Variants in PTPRK observed in about 807,000 individuals in gnomAD.
PTPRK encodes the protein protein tyrosine phosphatase receptor type K, also known as receptor-type tyrosine-protein phosphatase kappa.
In PTPRK, 75 loss-of-function variants were observed where a neutral mutation model predicts 178.0. That is an observed-to-expected ratio of 0.42 (90% CI 0.35 to 0.51). The LOEUF (loss-of-function observed/expected upper bound fraction) is 0.51, where lower values mean the gene tolerates loss of function less well. PTPRK is among the 20% of genes least tolerant of loss of function. The pLI is 0.02. For synonymous variants in PTPRK, 637 were observed against 620.6 expected (o/e 1.03, Z -0.39); for missense variants, 1,441 against 1,797.8 (o/e 0.80, Z 3.59).
At chr6:128,037,407 G>A (rs1776403030) in intron 13 of PTPRK, among the ~76,000 whole-genome samples, 1 of 146,332 alleles carries the variant, frequency 6.8e-6, no homozygotes, top group Non-Finnish European at 1.5e-5. Flanking sequence ...AAAGTATGAT[G>A]CAAATATGGA....
At chr6:128,506,654 T>C in intron 1 of PTPRK, among the ~76,000 whole-genome samples, 1 of 125,930 alleles carries the variant, frequency 7.9e-6, no homozygotes, top group Admixed American at 7.9e-5. Flanking sequence ...AGTAAAACTC[T>C]GTCTCAAAAA....
intron 6 of PTPRK, among the ~76,000 whole-genome samples, chr6:128,210,045 TGGAGAA>T (rs1346554863): frequency 6.6e-6 from 1 of 152,092 alleles, no homozygotes; most frequent in Non-Finnish European, 1.5e-5. Context: ...AAGACTGCCT[TGGAGAA>T]GGTAAGCGTT....
At chr6:128,495,340 A>G (rs1322848471) in intron 1 of PTPRK, among the ~76,000 whole-genome samples, 1 of 152,234 alleles carries the variant, frequency 6.6e-6, no homozygotes, top group Non-Finnish European at 1.5e-5. Flanking sequence ...AAGAGACGCA[A>G]TTTCAGGGAA....
chr6:128,369,882 T>C (rs1836025751), intron 2 of PTPRK, among the ~76,000 whole-genome samples: 1 of 152,112 alleles, frequency 6.6e-6, no homozygotes, highest in Admixed American at 6.6e-5. Context: ...CAGAAGTTCC[T>C]TTCTTCTAAA....
chr6:128,295,968 T>C (rs551910157), intron 3 of PTPRK, among the ~76,000 whole-genome samples: 104 of 152,124 alleles, frequency 6.8e-4, no homozygotes, highest in Non-Finnish European at 1.1e-3. Context: ...CTAAAGAACA[T>C]AAAAAACGAT....
chr6:128,088,829 A>G (rs1786410779), intron 8 of PTPRK, among the ~76,000 whole-genome samples: 1 of 152,244 alleles, frequency 6.6e-6, no homozygotes, highest in African/African-American at 2.4e-5. Context: ...CAAGATACAT[A>G]AAGAACAGCT....
At chr6:128,157,229 G>A (rs1798068155) in intron 7 of PTPRK, among the ~76,000 whole-genome samples, 2 of 151,940 alleles carry the variant, frequency 1.3e-5, no homozygotes. Context: ...ATAGGCTATT[G>A]ATTTTTCATA....
intron 3 of PTPRK, among the ~76,000 whole-genome samples, chr6:128,300,010 TCAAA>T (rs1584004227): frequency 6.6e-6 from 1 of 151,918 alleles, no homozygotes. Context: ...TACAATGAAC[TCAAA>T]CAAATTTACA....
intron 5 of PTPRK, among the ~76,000 whole-genome samples, chr6:128,226,645 A>G (rs1347947812): frequency 6.6e-6 from 1 of 151,812 alleles, no homozygotes; most frequent in Non-Finnish European, 1.5e-5. Context: ...GGCTTGCCCT[A>G]CAGACTTCAG....
At chr6:128,000,336 G>T in intron 15 of PTPRK, 1 of 1,272,946 alleles carries the variant, frequency 7.9e-7, no homozygotes, top group Non-Finnish European at 1.0e-6. Context: ...TCTTCCTGGA[G>T]AAGGGAAAAA....
chr6:128,213,993 C>T (rs930306992), intron 6 of PTPRK, among the ~76,000 whole-genome samples: 1 of 152,090 alleles, frequency 6.6e-6, no homozygotes, highest in African/African-American at 2.4e-5. Flanking sequence ...TGGTTCATTG[C>T]TCATCCCCTA....
At chr6:128,268,019 C>T (rs887401114) in intron 3 of PTPRK, among the ~76,000 whole-genome samples, 2 of 151,890 alleles carry the variant, frequency 1.3e-5, no homozygotes, top group African/African-American at 4.8e-5. Context: ...ATAAAACTAC[C>T]AGCATCATAT....
At chr6:128,515,959 A>G (rs1857946697) in intron 1 of PTPRK, among the ~76,000 whole-genome samples, 1 of 152,234 alleles carries the variant, frequency 6.6e-6, no homozygotes, top group African/African-American at 2.4e-5. Flanking sequence ...GAATCTTATC[A>G]CATGAATTAA....
Position 127,982,896 on chromosome 6 carries a change from C to T in PTPRK, c.3472G>A (p.Ala1158Thr). The part of the protein sequence containing the change: ...TAIPVCEFKA[A>T]YFDMIRIDSQ... ...TCTATTCTAATCATATCAAAATATG[C>T]AGCTTTAAATTCACAGACAGGTATG... is the stretch of plus-strand genomic sequence containing the variant. Residue 1158 changes from alanine to threonine, a missense_variant, in exon 24 of 30, where the codon GCA becomes ACA. By Grantham distance (58) the Ala-to-Thr change is moderately conservative (BLOSUM62 0). This residue lies in a region of PTPRK where 335 missense variants were observed against 512.4 expected (regional missense o/e 0.65). Coordinates refer to ENST00000368226, the MANE Select transcript of PTPRK (RefSeq NM_002844.4). 6.2e-7 allele frequency: 1 copy of T among 1,612,224 alleles called. No individual in the cohort carries two copies. The highest frequency in any genetic ancestry group is 8.5e-7 in the Non-Finnish European group (1 of 1,178,480).
At chr6:128,004,560 A>G (rs756455340) in intron 15 of PTPRK, among the ~76,000 whole-genome samples, 8 of 151,794 alleles carry the variant, frequency 5.3e-5, no homozygotes, top group Admixed American at 1.3e-4. Context: ...CACACCAGAT[A>G]CTTAAGAGCA....
intron 6 of PTPRK, among the ~76,000 whole-genome samples, chr6:128,212,018 A>G (rs1257781841): frequency 6.6e-6 from 1 of 151,988 alleles, no homozygotes; most frequent in African/African-American, 2.4e-5. Context: ...TTTAAAGCCA[A>G]ATTAGTGCTT....
chr6:128,097,163 G>C (rs562984649), intron 7 of PTPRK, among the ~76,000 whole-genome samples: 26 of 152,256 alleles, frequency 1.7e-4, no homozygotes, highest in African/African-American at 6.3e-4. Flanking sequence ...CTCAGGTCCA[G>C]GAATAATCAC....
At chr6:128,416,156 A>G (rs1001048701) in intron 1 of PTPRK, among the ~76,000 whole-genome samples, 9 of 152,294 alleles carry the variant, frequency 5.9e-5, no homozygotes, top group East Asian at 1.9e-4. Flanking sequence ...TACATGGTTA[A>G]TAAGTACTTA....
chr6:128,347,410 A>G lies in PTPRK; in HGVS notation c.224-25100T>C, dbSNP rs1308132298. On this transcript the variant is annotated intron_variant, in intron 2 of 29. Transcript: ENST00000368226. ...ATTCAGGCAACTGAAAGAACTGACT[A>G]AATTAATTGCAGGACCTTAGGGTCC... 2.0e-5 allele frequency among the ~76,000 whole-genome samples: 3 copies of G among 152,218 alleles called. No individual in the cohort carries two copies. The East Asian group carries it at 5.8e-4, about 29-fold the overall frequency.
Sources: allele counts gnomAD v4.1 joint callset (sites outside exome capture counted in the v4.1 genomes callset), GRCh38; gene constraint gnomAD v4.1.1; regional missense constraint gnomAD v4.1.1; transcripts MANE v1.5; gene names NCBI Gene and HGNC (gene_info 2026-07-23, HGNC 2026-07-21).